Variants in UBE2A observed in about 807,000 individuals in gnomAD.
UBE2A encodes ubiquitin conjugating enzyme E2 A, also known as ubiquitin-conjugating enzyme E2 A.
For missense variants in UBE2A, 27 were observed against 125.8 expected (o/e 0.21, Z 3.76); for synonymous variants, 39 against 41.1 (o/e 0.95, Z 0.20).
chrX:119,582,961 A>AC (rs2053459823), intron 5 of UBE2A, among the ~76,000 whole-genome samples, 166 bp from the exon 6 acceptor site: 1 of 110,305 alleles, frequency 9.1e-6, no homozygotes, highest in African/African-American at 3.3e-5. Flanking sequence ...AAAAAAAAAA[A>AC]AGCCGCATAT....
At position 119,583,349 on chromosome X, in the gene UBE2A, A is replaced by G. The variant is rs190231807; in HGVS notation, c.*94A>G. On this transcript the variant is annotated 3_prime_UTR_variant, in exon 6 of 6. Transcript: ENST00000371558. Reference sequence around the variant, plus strand: ...TCCTGTCATTACATTTACTTTATTAAAAGCAAAATAACTGTTGTGCTGTTT... The same window carrying G: ...TCCTGTCATTACATTTACTTTATTAGAAGCAAAATAACTGTTGTGCTGTTT... The G allele has an allele frequency of 1.9e-5, 22 of 1,146,386 alleles. No homozygotes were observed. In the Admixed American group the frequency reaches 4.2e-4, roughly 22 times the overall value. 94.5% of individuals were successfully genotyped at this position (1,146,386 alleles called of 1,213,427 possible).
chrX:119,574,928 C>A lies in UBE2A; in HGVS notation c.72C>A (p.Val24=). 3.3e-6 allele frequency: 4 copies of A among 1,212,079 alleles called. No individual in the cohort carries two copies. The highest frequency in any genetic ancestry group is 4.5e-6 in the Non-Finnish European group (4 of 895,448). The change falls in exon 2 of 6, where the codon GTC becomes GTA. Residue 24 remains valine, a synonymous_variant. Coordinates refer to ENST00000371558, the MANE Select transcript of UBE2A (RefSeq NM_003336.4). ...TGCAGGAGGATCCTCCAGCCGGAGT[C>A]AGCGGGGCTCCGTCCGAGAACAACA... ...KRLQEDPPAG[V]SGAPSENNIM...
intron 5 of UBE2A, 125 bp from the exon 6 acceptor site, chrX:119,583,002 C>A: frequency 1.1e-6 from 1 of 879,214 alleles, no homozygotes. Context: ...ATTCACATAA[C>A]TCTGGGTTTG....
At chrX:119,575,499 C>T (rs2053410495) in intron 3 of UBE2A, 99 bp downstream of exon 3, 2 of 1,077,929 alleles carry the variant, frequency 1.9e-6, no homozygotes, top group Non-Finnish European at 2.6e-6. Context: ...GAACCTGCCT[C>T]TGCCTAGCCT....
In UBE2A at chrX:119,584,366, T is replaced by C; in HGVS notation, c.*1111T>C. 9.1e-6 allele frequency: 1 copy of C among 109,928 alleles called. No individual in the cohort carries two copies. Among genetic ancestry groups the C allele is most frequent in the African/African-American group, 3.3e-5 (1 of 30,231 alleles). The allele number at this position is 109,928 out of a possible 1,213,427, so 9.1% of individuals were successfully genotyped here. ...AATCTAACTTTGCACAAGTAACCCA[T>C]GTAAAAAAAAATGTACATTTTTCAA... On this transcript the variant is annotated 3_prime_UTR_variant, in exon 6 of 6. Transcript: ENST00000371558.
Position 119,574,571 on chromosome X carries a change from C to T in UBE2A, c.-141C>T. ...GGTGCTTAGCCGGCGCCAGACCGAC[C>T]CTCGACTTCGGAGAGGCAGCGCGGT... On this transcript the variant is annotated 5_prime_UTR_variant, in exon 1 of 6. Coordinates refer to ENST00000371558, the MANE Select transcript of UBE2A (RefSeq NM_003336.4). 1.2e-6 allele frequency: 1 copy of T among 856,528 alleles called. No individual in the cohort carries two copies. Among genetic ancestry groups the T allele is most frequent in the Non-Finnish European group, 1.7e-6 (1 of 599,001 alleles). The allele number at this position is 856,528 out of a possible 1,213,427, so 70.6% of individuals were successfully genotyped here.
intron 3 of UBE2A, among the ~76,000 whole-genome samples, chrX:119,578,024 T>C (rs1022836279): frequency 1.6e-4 from 18 of 111,513 alleles, no homozygotes; most frequent in African/African-American, 5.9e-4. Context: ...AGTGGCATAG[T>C]TGATTTTGCT....
At position 119,583,813 on chromosome X, in the gene UBE2A, G is replaced by A. The variant is rs1326944690; in HGVS notation, c.*558G>A. ...ATGAATTACAACGTAGTATTTACTG[G>A]CAAGAAGGAGAAAGTTGAAGGACTC... On this transcript the variant is annotated 3_prime_UTR_variant, in exon 6 of 6. Coordinates refer to ENST00000371558, the MANE Select transcript of UBE2A (RefSeq NM_003336.4). 1.7e-5 allele frequency: 2 copies of A among 115,692 alleles called. No individual in the cohort carries two copies. Among genetic ancestry groups the A allele is most frequent in the African/African-American group, 6.5e-5 (2 of 30,884 alleles). 9.5% of individuals were successfully genotyped at this position (115,692 alleles called of 1,213,427 possible).
chrX:119,575,291 C>CA, intron 2 of UBE2A, 84 bp from the exon 3 acceptor site: 1 of 1,171,154 alleles, frequency 8.5e-7, no homozygotes, highest in Non-Finnish European at 1.2e-6. Context: ...CTGGAGATGG[C>CA]AGAGCTCGGG....
At chrX:119,575,272 G>T (rs747523562) in intron 2 of UBE2A, 103 bp from the exon 3 acceptor site, 3 of 1,123,049 alleles carry the variant, frequency 2.7e-6, no homozygotes, top group Admixed American at 2.2e-5. Flanking sequence ...TCCGACCCCG[G>T]TAGCGGTGCT....
intron 4 of UBE2A, among the ~76,000 whole-genome samples, chrX:119,581,953 C>G (rs2053453242): frequency 8.9e-6 from 1 of 112,285 alleles, no homozygotes; most frequent in African/African-American, 3.2e-5. Context: ...TCATTGGACG[C>G]ATATCAGAAT....
chrX:119,575,587 C>T (rs1037077291), intron 3 of UBE2A, 187 bp downstream of exon 3: 7 of 479,811 alleles, frequency 1.5e-5, no homozygotes, highest in Admixed American at 9.3e-5. Context: ...AGAACTGCAC[C>T]TTTCTTCTTG....
At chrX:119,580,798 G>T (rs920386681) in intron 3 of UBE2A, 1 of 111,519 alleles carries the variant, frequency 9.0e-6, no homozygotes, top group Non-Finnish European at 1.9e-5. Flanking sequence ...AAATAAATTT[G>T]CTGGAAACAT....
rs1442110503 is a variant in UBE2A at position 119,574,991 on chromosome X, C to T, written c.125+10C>T. 1 of 1,210,803 alleles carries T rather than the reference C, an allele frequency of 8.3e-7. No homozygotes were observed. On this transcript the variant is annotated intron_variant, in intron 2 of 5. Transcript: ENST00000371558. ...ACGCGGTCATTTTCGGGTGAGTCTG[C>T]GTTCGTGGCGGTGGCGAGAAAACTG...
chrX:119,581,517 A>T lies in UBE2A; in HGVS notation c.162A>T (p.Lys54Asn), dbSNP rs2053450557. ...CTTTTCTAACCACAGGAACATTTAA[A>T]CTTACAATAGAATTCACTGAAGAAT... ...EGTPFEDGTF[K>N]LTIEFTEEYP... The change falls in exon 4 of 6, where the codon AAA (lysine) becomes AAT (asparagine). Residue 54 changes from lysine (K) to asparagine (N), a missense_variant. By Grantham distance (94) the Lys-to-Asn change is moderately conservative. Coordinates refer to ENST00000371558, the MANE Select transcript of UBE2A (RefSeq NM_003336.4). 8.4e-7 allele frequency: 1 copy of T among 1,192,288 alleles called. No homozygotes were observed. The highest frequency in any genetic ancestry group is 1.1e-6 in the Non-Finnish European group (1 of 878,641).
chrX:119,576,153 T>C (rs2053414358), intron 3 of UBE2A, among the ~76,000 whole-genome samples: 1 of 111,936 alleles, frequency 8.9e-6, no homozygotes, highest in East Asian at 2.8e-4. Flanking sequence ...TAAAAACACG[T>C]GTAAATTGCT....
In UBE2A at chrX:119,583,267, G is replaced by GT. The variant is rs775075088; in HGVS notation, c.*15dup. ...GGCGTGATTGTTGACCCCGGGTACA[G>GT]TTTAAAGAAGCTGGCCATAAGAAAA... On this transcript the variant is annotated 3_prime_UTR_variant, in exon 6 of 6. Transcript: ENST00000371558. 8.3e-7 allele frequency: 1 copy of GT among 1,211,428 alleles called. No individual in the cohort carries two copies. The highest frequency in any genetic ancestry group is 1.8e-5 in the South Asian group (1 of 56,969).
chrX:119,583,002 C>G, intron 5 of UBE2A, 125 bp from the exon 6 acceptor site: 1 of 879,226 alleles, frequency 1.1e-6, no homozygotes. Context: ...ATTCACATAA[C>G]TCTGGGTTTG....
chrX:119,582,979 T>C, intron 5 of UBE2A, 148 bp from the exon 6 acceptor site: 1 of 686,853 alleles, frequency 1.5e-6, no homozygotes. Context: ...TATATTTTCC[T>C]AGCTACTAGC....
Sources: gnomAD v4.1 joint callset for allele counts (sites outside exome capture counted in the v4.1 genomes callset) on GRCh38, gnomAD v4.1.1 for gene constraint, MANE v1.5 for transcripts, NCBI Gene and HGNC (gene_info 2026-07-23, HGNC 2026-07-21) for gene names.